PPP1R9A: variants seen among roughly 807,000 people sequenced by gnomAD.
PPP1R9A encodes the protein neurabin-1.
A neutral mutation model predicts 141.9 loss-of-function variants in PPP1R9A; 59 were observed. The ratio of observed to expected loss-of-function variants is 0.42; its 90% CI spans 0.34 to 0.52. The LOEUF is 0.52. PPP1R9A is among the 20% of genes least tolerant of loss of function. The pLI is 0.10. For synonymous variants in PPP1R9A, 500 were observed against 569.7 expected, an observed-to-expected ratio of 0.88 and a Z score of 1.74; for missense variants, 1,444 against 1,611.9, an observed-to-expected ratio of 0.90 and a Z score of 1.78.
intron 3 of PPP1R9A, among the ~76,000 whole-genome samples, chr7:95,118,171 T>G (rs1393008771): frequency 1.3e-5 from 2 of 152,220 alleles, no homozygotes; most frequent in Admixed American, 1.3e-4. Context: ...AGCACACATC[T>G]AACCTTCATG....
At chr7:95,183,692 C>T (rs1187534908) in intron 5 of PPP1R9A, among the ~76,000 whole-genome samples, 4 of 151,768 alleles carry the variant, frequency 2.6e-5, no homozygotes, top group Non-Finnish European at 5.9e-5. Context: ...CGTGGTCCAC[C>T]CGCCTCGGGC....
chr7:95,106,798 G>T (rs1305174210), intron 2 of PPP1R9A, among the ~76,000 whole-genome samples: 2 of 151,910 alleles, frequency 1.3e-5, no homozygotes, highest in Non-Finnish European at 2.9e-5. Context: ...ACTGGATGTT[G>T]TAGTCTTTTT....
chr7:95,067,703 A>AT (rs11303288), intron 2 of PPP1R9A, among the ~76,000 whole-genome samples: 11 of 150,852 alleles, frequency 7.3e-5, no homozygotes, highest in South Asian at 6.3e-4. Flanking sequence ...ATGGCAAAGT[A>AT]TTTTTTTTTT....
chr7:95,267,049 A>T (rs139643192), intron 12 of PPP1R9A, among the ~76,000 whole-genome samples: 19 of 152,282 alleles, frequency 1.2e-4, no homozygotes, highest in African/African-American at 4.6e-4. Flanking sequence ...TCATTCAGAT[A>T]TAGGAAATGA....
intron 5 of PPP1R9A, among the ~76,000 whole-genome samples, chr7:95,196,071 G>A (rs1836227465): frequency 5.0e-5 from 1 of 20,044 alleles, no homozygotes; most frequent in South Asian, 2.5e-3. Flanking sequence ...ACACACATAC[G>A]TGTGTGTGTG....
At chr7:94,975,356 GTTTTTTTTTTTTTTTT>G (rs68186534) in intron 2 of PPP1R9A, among the ~76,000 whole-genome samples, 2 of 120,714 alleles carry the variant, frequency 1.7e-5, no homozygotes, top group African/African-American at 5.8e-5. Context: ...GTTTTTTTTT[GTTTTTTTTTTTTTTTT>G]TTTTTTTTTT....
intron 2 of PPP1R9A, among the ~76,000 whole-genome samples, chr7:95,109,115 A>G (rs1014213124): frequency 6.6e-6 from 1 of 152,216 alleles, no homozygotes; most frequent in Non-Finnish European, 1.5e-5. Context: ...GTTTTCCAAA[A>G]AACTATAGAT....
intron 4 of PPP1R9A, among the ~76,000 whole-genome samples, chr7:95,153,056 G>T (rs555710975): frequency 6.6e-6 from 1 of 151,884 alleles, no homozygotes; most frequent in Non-Finnish European, 1.5e-5. Context: ...CACCATATTG[G>T]CCAGGCTGGT....
intron 2 of PPP1R9A, among the ~76,000 whole-genome samples, chr7:94,968,334 G>A (rs563510225): frequency 1.5e-4 from 23 of 151,914 alleles, no homozygotes; most frequent in Non-Finnish European, 2.8e-4. Context: ...CACTACGCCC[G>A]GCTAATTTTT....
chr7:95,122,052 T>G (rs945850339), intron 4 of PPP1R9A, among the ~76,000 whole-genome samples: 1 of 152,236 alleles, frequency 6.6e-6, no homozygotes, highest in African/African-American at 2.4e-5. Context: ...TTAAATTTTT[T>G]TATGTTTAAG....
chr7:95,232,956 T>C (rs1192734799), intron 8 of PPP1R9A, among the ~76,000 whole-genome samples: 1 of 152,200 alleles, frequency 6.6e-6, no homozygotes, highest in Non-Finnish European at 1.5e-5. Context: ...TGGAAGACAG[T>C]GTGGTGATTC....
chr7:95,208,336 C>T (rs190002112), intron 7 of PPP1R9A, among the ~76,000 whole-genome samples: 1 of 152,204 alleles, frequency 6.6e-6, no homozygotes, highest in Admixed American at 6.5e-5. Flanking sequence ...CCCAAAATTC[C>T]ATCTCAAGTG....
intron 2 of PPP1R9A, among the ~76,000 whole-genome samples, chr7:95,081,643 A>AGGT (rs1815853431): frequency 6.6e-6 from 1 of 152,206 alleles, no homozygotes; most frequent in African/African-American, 2.4e-5. Flanking sequence ...GTAAACCATG[A>AGGT]GGTAACTTAA....
At chr7:95,117,934 G>A (rs965168302) in intron 3 of PPP1R9A, among the ~76,000 whole-genome samples, 29 of 152,244 alleles carry the variant, frequency 1.9e-4, no homozygotes, top group African/African-American at 6.7e-4. Context: ...CAACACAAGA[G>A]CAATACACTA....
At chr7:95,119,869 CTAAGTA>C (rs1189024868) in intron 3 of PPP1R9A, among the ~76,000 whole-genome samples, 4 of 151,238 alleles carry the variant, frequency 2.6e-5, no homozygotes, top group Non-Finnish European at 4.4e-5. Context: ...TCATATATGT[CTAAGTA>C]TATGTATATA....
chr7:95,037,847 G>A (rs745792531), intron 2 of PPP1R9A, among the ~76,000 whole-genome samples: 8 of 151,876 alleles, frequency 5.3e-5, no homozygotes, highest in Non-Finnish European at 1.0e-4. Context: ...GCTCACACCT[G>A]TAATCCCAAC....
At chr7:95,142,368 T>G (rs796168758) in intron 4 of PPP1R9A, among the ~76,000 whole-genome samples, 65 of 152,176 alleles carry the variant, frequency 4.3e-4, no homozygotes, top group African/African-American at 1.4e-3. Flanking sequence ...GAAGTTCAAT[T>G]CATCTAGTTT....
In PPP1R9A at chr7:95,075,412, A is replaced by G. The variant is rs538841581; in HGVS notation, c.1396-35847A>G. Among the ~76,000 whole-genome samples, 12 of 152,324 alleles carry G rather than the reference A, an allele frequency of 7.9e-5. No individual in the cohort carries two copies. The South Asian group carries it at 8.3e-4, about 11-fold the overall frequency. ...GAGTCTAGAACCCAGGAATCAAACT[A>G]AAGACATTACCAGGAAGAAAAACAT... On this transcript the variant is annotated intron_variant, in intron 2 of 19. Transcript: ENST00000433360.
At chr7:95,171,040 A>C (rs1832031534) in intron 5 of PPP1R9A, among the ~76,000 whole-genome samples, 1 of 151,556 alleles carries the variant, frequency 6.6e-6, no homozygotes, top group South Asian at 2.1e-4. Context: ...GAGGTATGCT[A>C]TAAGACATAA....
Sources: allele counts gnomAD v4.1 joint callset (sites outside exome capture counted in the v4.1 genomes callset), GRCh38; gene constraint gnomAD v4.1.1; transcripts MANE v1.5; gene names NCBI Gene and HGNC (gene_info 2026-07-23, HGNC 2026-07-21).